Variants in CFAP46 observed in about 807,000 individuals in gnomAD.
CFAP46 encodes cilia- and flagella-associated protein 46.
A neutral mutation model predicts 325.7 loss-of-function variants in CFAP46; 245 were observed. The ratio of observed to expected loss-of-function variants is 0.75; its 90% CI spans 0.68 to 0.84. The LOEUF (loss-of-function observed/expected upper bound fraction) is 0.84, where lower values mean the gene tolerates loss of function less well. Among genes scored for constraint, CFAP46 ranks in the 40% least tolerant of loss-of-function variants. The pLI, the probability that CFAP46 is intolerant of heterozygous loss-of-function variation, is 0.00. For synonymous variants in CFAP46, 1,523 were observed against 1,495.9 expected, an observed-to-expected ratio of 1.02 and a Z score of -0.42; for missense variants, 3,346 against 3,543.0, an observed-to-expected ratio of 0.94 and a Z score of 1.41.
intron 50 of CFAP46, among the ~76,000 whole-genome samples, chr10:132,824,741 C>CCCTGA (rs1848001776): frequency 1.3e-5 from 1 of 74,982 alleles, no homozygotes; most frequent in African/African-American, 6.4e-5. Flanking sequence ...TGTGTGTGTG[C>CCCTGA]TGTGTGCTGT....
intron 44 of CFAP46, among the ~76,000 whole-genome samples, chr10:132,845,071 C>T (rs1051977267): frequency 5.3e-5 from 8 of 152,316 alleles, no homozygotes; most frequent in African/African-American, 7.2e-5. Flanking sequence ...GCGCCCCCAA[C>T]GCCCAGCTTA....
intron 19 of CFAP46, among the ~76,000 whole-genome samples, chr10:132,911,847 A>C (rs1849545013): frequency 2.7e-5 from 4 of 147,392 alleles, no homozygotes; most frequent in East Asian, 4.1e-4. Context: ...TTCTATTTCC[A>C]CTCTCCTCTA....
chr10:132,864,482 C>T (rs1205149764), intron 35 of CFAP46, among the ~76,000 whole-genome samples: 1 of 103,150 alleles, frequency 9.7e-6, no homozygotes, highest in Non-Finnish European at 2.2e-5. Flanking sequence ...GACCTGCACA[C>T]ATCTGTCCCC....
chr10:132,941,941 T>G, intron 2 of CFAP46, 39 bp downstream of exon 2: 1 of 1,548,848 alleles, frequency 6.5e-7, no homozygotes, highest in African/African-American at 1.4e-5. Flanking sequence ...CCTCTCCCTG[T>G]CAAAGCTGCC....
At chr10:132,888,983 C>T (rs1010453605) in intron 25 of CFAP46, among the ~76,000 whole-genome samples, 11 of 152,244 alleles carry the variant, frequency 7.2e-5, no homozygotes, top group Admixed American at 3.9e-4. Context: ...CCCGCCTCCA[C>T]CCACCCTCTG....
chr10:132,859,441 G>A (rs1204181632), intron 37 of CFAP46, among the ~76,000 whole-genome samples, 194 bp from the exon 38 acceptor site: 2 of 152,052 alleles, frequency 1.3e-5, no homozygotes, highest in Admixed American at 1.3e-4. Context: ...AAACTCACAA[G>A]CCCCACCCCA....
intron 54 of CFAP46, 73 bp downstream of exon 54, chr10:132,814,079 G>A: frequency 8.3e-7 from 1 of 1,197,770 alleles, no homozygotes; most frequent in Non-Finnish European, 1.2e-6. Flanking sequence ...GCCGGGGGTA[G>A]GGGGCAGTGG....
At chr10:132,912,235 T>C (rs1377129676) in intron 19 of CFAP46, among the ~76,000 whole-genome samples, 2 of 83,120 alleles carry the variant, frequency 2.4e-5, no homozygotes, top group Non-Finnish European at 5.6e-5. Flanking sequence ...TCCTCTCTCC[T>C]GTCCTCTTTC....
Position 132,814,934 on chromosome 10 carries a change from G to A in CFAP46, c.7118-20C>T. 6.2e-7 allele frequency: 1 copy of A among 1,613,562 alleles called. No individual in the cohort carries two copies. Among genetic ancestry groups the A allele is most frequent in the Non-Finnish European group, 8.5e-7 (1 of 1,179,500 alleles). On this transcript the variant is annotated intron_variant, in intron 50 of 57. Transcript: ENST00000368586. ...CACCTTCTGTTGAAGACAAGAAAGA[G>A]GCAGGGATGTTTGGCAGCAGCTCGA... is the stretch of plus-strand genomic sequence containing the variant.
At chr10:132,823,060 G>A (rs531020028) in intron 50 of CFAP46, among the ~76,000 whole-genome samples, 30 of 143,998 alleles carry the variant, frequency 2.1e-4, no homozygotes, top group Non-Finnish European at 1.5e-5. Context: ...TGTGCTGTGA[G>A]TGCTGATGTG....
At chr10:132,824,883 A>G (rs1226353595) in intron 50 of CFAP46, among the ~76,000 whole-genome samples, 3 of 86,970 alleles carry the variant, frequency 3.4e-5, no homozygotes, top group African/African-American at 4.7e-5. Flanking sequence ...CTGTGTGTGC[A>G]GTGATGTGTG....
intron 11 of CFAP46, 46 bp from the exon 12 acceptor site, chr10:132,922,754 C>T (rs1274765664): frequency 6.2e-6 from 9 of 1,460,892 alleles, no homozygotes; most frequent in East Asian, 2.5e-5. Flanking sequence ...CGCTGCGCCT[C>T]TGTCAGGCTG....
intron 50 of CFAP46, among the ~76,000 whole-genome samples, chr10:132,824,314 G>A (rs1847980949): frequency 2.2e-5 from 3 of 134,926 alleles, no homozygotes; most frequent in Admixed American, 7.4e-5. Context: ...TGCTGTGTGT[G>A]CACTGATGTG....
intron 29 of CFAP46, 70 bp downstream of exon 29, chr10:132,879,356 G>T (rs1849003647): frequency 2.9e-6 from 4 of 1,385,990 alleles, no homozygotes; most frequent in Non-Finnish European, 3.8e-6. Context: ...AACGCTCACT[G>T]CGGTTTCCCC....
intron 34 of CFAP46, among the ~76,000 whole-genome samples, 190 bp from the exon 35 acceptor site, chr10:132,866,361 C>T (rs1199084565): frequency 6.6e-6 from 1 of 152,206 alleles, no homozygotes; most frequent in East Asian, 1.9e-4. Context: ...GAGCTCAGGC[C>T]TTTGCCTTTC....
At chr10:132,814,477 G>T in intron 53 of CFAP46, 100 bp downstream of exon 53, 1 of 1,429,094 alleles carries the variant, frequency 7.0e-7, no homozygotes, top group Non-Finnish European at 9.5e-7. Flanking sequence ...AGATTTCGGA[G>T]CCTCGAGGAG....
intron 8 of CFAP46, among the ~76,000 whole-genome samples, chr10:132,933,663 C>G (rs1452037666): frequency 6.6e-6 from 1 of 152,248 alleles, no homozygotes; most frequent in Non-Finnish European, 1.5e-5. Context: ...GCCCCTCCCT[C>G]GAGGAGCCTG....
chr10:132,813,032 T>C (rs1056583981), intron 54 of CFAP46, 135 bp from the exon 55 acceptor site: 1 of 650,386 alleles, frequency 1.5e-6, no homozygotes, highest in Non-Finnish European at 2.7e-6. Context: ...CTTTCTTTCA[T>C]GTTCCTAATG....
chr10:132,942,037 G>T lies in CFAP46; in HGVS notation c.117C>A (p.Asp39Glu). 6.4e-7 allele frequency: 1 copy of T among 1,551,798 alleles called. No individual in the cohort carries two copies. The highest frequency in any genetic ancestry group is 1.7e-4 in the Middle Eastern group (1 of 5,992). Reference protein sequence around the residue: ...KSANLGKSEFDPSESFSPDLF... With the variant: ...KSANLGKSEFEPSESFSPDLF... The stretch of plus-strand genomic sequence containing the variant: ...GGTCTGGGCTGAAGCTCTCTGAGGG[G>T]TCAAACTCCGATTTCCCTAGGTTGG... Residue 39 changes from aspartate to glutamate, a missense_variant, in exon 2 of 58, where the codon GAC (aspartate) becomes GAA (glutamate). By Grantham distance (45) the Asp-to-Glu change is conservative. Coordinates refer to ENST00000368586, the MANE Select transcript of CFAP46 (RefSeq NM_001200049.3).
Sources: gnomAD v4.1 joint callset for allele counts (sites outside exome capture counted in the v4.1 genomes callset) on GRCh38, gnomAD v4.1.1 for gene constraint, MANE v1.5 for transcripts, NCBI Gene and HGNC (gene_info 2026-07-23, HGNC 2026-07-21) for gene names.